The following EIF4G3 variants were observed in gnomAD, a reference collection of about 807,000 sequenced individuals.
EIF4G3 encodes the protein eIF-4-gamma 3.
In EIF4G3, 34 loss-of-function variants were observed where a neutral mutation model predicts 186.4. The ratio of observed to expected loss-of-function variants is 0.18; its 90% CI spans 0.14 to 0.24. EIF4G3 has a LOEUF of 0.24. EIF4G3 is among the 10% of genes least tolerant of loss of function. The probability of loss-of-function intolerance (pLI) is 1.00; values close to 1 mark genes in which losing one functional copy is unlikely to be tolerated. For synonymous variants in EIF4G3, 673 were observed against 679.5 expected (o/e 0.99, Z 0.15); for missense variants, 1,536 against 1,948.5 (o/e 0.79, Z 3.99).
rs904487107 is a variant in EIF4G3 at position 21,023,781 on chromosome 1, C to G, written c.-66-20973G>C. ...CCAGTCTGGAAAGTGAGGAGCGTCT[C>G]CGCCCGGCCGCCATCCCATCTAGGA... On this transcript the variant is annotated intron_variant, in intron 4 of 36. Coordinates refer to ENST00000602326, the MANE Select transcript of EIF4G3 (RefSeq NM_001391906.1). Among the ~76,000 whole-genome samples, 64 of 147,276 alleles carry G rather than the reference C, an allele frequency of 4.3e-4. 2 individuals are homozygous for G. Among genetic ancestry groups the G allele is most frequent in the African/African-American group, 1.4e-3 (54 of 39,656 alleles).
chr1:20,950,331 G>A (rs1403435726), intron 12 of EIF4G3, among the ~76,000 whole-genome samples: 1 of 152,026 alleles, frequency 6.6e-6, no homozygotes, highest in Non-Finnish European at 1.5e-5. Context: ...GGAAGGAAAA[G>A]AAATGATTAC....
At chr1:21,056,355 G>A (rs190970455) in intron 3 of EIF4G3, among the ~76,000 whole-genome samples, 1 of 152,240 alleles carries the variant, frequency 6.6e-6, no homozygotes, top group Admixed American at 6.5e-5. Context: ...GCTTCACTGT[G>A]CTCTATTCAA....
intron 30 of EIF4G3, among the ~76,000 whole-genome samples, chr1:20,837,201 G>A (rs546950569): frequency 6.6e-6 from 1 of 152,150 alleles, no homozygotes; most frequent in East Asian, 1.9e-4. Flanking sequence ...AGTATACCTG[G>A]AGGCTTTCTG....
At chr1:21,043,883 A>AAG in intron 4 of EIF4G3, among the ~76,000 whole-genome samples, 1 of 151,848 alleles carries the variant, frequency 6.6e-6, no homozygotes, top group African/African-American at 2.4e-5. Context: ...AAAAAAAAAA[A>AAG]GGAAGGATGG....
intron 3 of EIF4G3, among the ~76,000 whole-genome samples, chr1:21,075,271 G>A (rs997617503): frequency 6.6e-6 from 1 of 151,848 alleles, no homozygotes; most frequent in Non-Finnish European, 1.5e-5. Flanking sequence ...GAAATTCCCC[G>A]TAAAGACACA....
At chr1:21,152,017 G>T (rs951746911) in intron 2 of EIF4G3, among the ~76,000 whole-genome samples, 1 of 152,142 alleles carries the variant, frequency 6.6e-6, no homozygotes, top group Non-Finnish European at 1.5e-5. Flanking sequence ...ACTGATCCAG[G>T]ACTCTAATCA....
intron 3 of EIF4G3, among the ~76,000 whole-genome samples, chr1:21,086,198 TC>T (rs1363178566): frequency 7.5e-4 from 58 of 77,832 alleles, no homozygotes; most frequent in Middle Eastern, 5.6e-3. Context: ...TACATGATAC[TC>T]TTTTTTTTTT....
intron 7 of EIF4G3, 69 bp downstream of exon 7, chr1:20,997,532 A>G: frequency 6.4e-6 from 9 of 1,413,526 alleles, no homozygotes; most frequent in Non-Finnish European, 8.8e-6. Context: ...CAGCATTCTA[A>G]GAGTCAGCAG....
At chr1:21,014,395 C>T (rs1248897083) in intron 4 of EIF4G3, among the ~76,000 whole-genome samples, 1 of 152,020 alleles carries the variant, frequency 6.6e-6, no homozygotes, top group African/African-American at 2.4e-5. Context: ...ACAGGGGTTG[C>T]GTGTGTACAG....
At chr1:20,827,296 T>C (rs185472376) in intron 32 of EIF4G3, among the ~76,000 whole-genome samples, 2 of 152,350 alleles carry the variant, frequency 1.3e-5, no homozygotes, top group East Asian at 1.9e-4. Flanking sequence ...TCCAGCTCTA[T>C]GGAGCTTTTC....
chr1:20,956,919 A>G (rs557233315), intron 12 of EIF4G3, among the ~76,000 whole-genome samples: 2 of 152,330 alleles, frequency 1.3e-5, no homozygotes, highest in South Asian at 4.1e-4. Flanking sequence ...ATAGTTTATA[A>G]CGAAGGGGTC....
At chr1:21,010,995 G>A (rs1229412748) in intron 4 of EIF4G3, among the ~76,000 whole-genome samples, 3 of 151,980 alleles carry the variant, frequency 2.0e-5, no homozygotes, top group Non-Finnish European at 2.9e-5. Context: ...AAATATTTTC[G>A]TAAAATAAAT....
chr1:21,068,219 A>G (rs946616088), intron 3 of EIF4G3, among the ~76,000 whole-genome samples: 5 of 151,546 alleles, frequency 3.3e-5, no homozygotes, highest in African/African-American at 4.8e-5. Context: ...CTAAAAATAC[A>G]AAAAATTAGC....
At chr1:21,146,792 T>C (rs2097450771) in intron 2 of EIF4G3, among the ~76,000 whole-genome samples, 1 of 152,056 alleles carries the variant, frequency 6.6e-6, no homozygotes, top group Non-Finnish European at 1.5e-5. Flanking sequence ...ACATATTATA[T>C]GGTGACAATA....
chr1:21,110,740 T>C (rs868161949), intron 2 of EIF4G3, among the ~76,000 whole-genome samples: 21 of 150,322 alleles, frequency 1.4e-4, no homozygotes, highest in Middle Eastern at 3.5e-3. Context: ...CCTTTTTTTG[T>C]ATTTTTAGTA....
chr1:20,908,793 T>G (rs1176332207), intron 14 of EIF4G3, among the ~76,000 whole-genome samples: 4 of 152,170 alleles, frequency 2.6e-5, no homozygotes, highest in Non-Finnish European at 5.9e-5. Context: ...TTTCATAAAC[T>G]TACCGGTTTT....
intron 14 of EIF4G3, chr1:20,941,135 C>T: frequency 7.8e-7 from 1 of 1,276,586 alleles, no homozygotes; most frequent in Non-Finnish European, 1.1e-6. Flanking sequence ...GGACTATAGA[C>T]CATCCTGGTT....
In EIF4G3 at chr1:20,869,991, C is replaced by T. The variant is rs1571964295; in HGVS notation, c.2623-4729G>A. Among the ~76,000 whole-genome samples the T allele has an allele frequency of 2.0e-5, 3 of 151,994 alleles. No homozygotes were observed. In the East Asian group the frequency reaches 5.8e-4, roughly 29 times the overall value. On this transcript the variant is annotated intron_variant, in intron 20 of 36. Transcript: ENST00000602326. ...CAAAATGGATCTCTGTTAGATATAC[C>T]TGAAGAGGTATAGTGTTAAAGGATA...
chr1:21,136,930 C>T (rs1035138524), intron 2 of EIF4G3, among the ~76,000 whole-genome samples: 1 of 152,152 alleles, frequency 6.6e-6, no homozygotes, highest in African/African-American at 2.4e-5. Context: ...AAAACATACA[C>T]TGAAGTGCAA....
Sources: allele counts gnomAD v4.1 joint callset (sites outside exome capture counted in the v4.1 genomes callset), GRCh38; gene constraint gnomAD v4.1.1; transcripts MANE v1.5; gene names NCBI Gene and HGNC (gene_info 2026-07-23, HGNC 2026-07-21).